The following ELAPOR1 variants were observed in gnomAD, a reference collection of about 807,000 sequenced individuals.
ELAPOR1 encodes endosome-lysosome associated apoptosis and autophagy regulator 1.
A neutral mutation model predicts 119.7 loss-of-function variants in ELAPOR1; 77 were observed. The observed-to-expected ratio is 0.64, with a 90% CI of 0.54 to 0.78. The LOEUF (loss-of-function observed/expected upper bound fraction) is 0.78, where lower values mean the gene tolerates loss of function less well. Among genes scored for constraint, ELAPOR1 ranks in the 30% least tolerant of loss-of-function variants. The pLI, the probability that ELAPOR1 is intolerant of heterozygous loss-of-function variation, is 0.00. For synonymous variants in ELAPOR1, 481 were observed against 487.2 expected, an observed-to-expected ratio of 0.99 and a Z score of 0.17; for missense variants, 1,115 against 1,270.4, an observed-to-expected ratio of 0.88 and a Z score of 1.86.
At chr1:109,166,006 C>T (rs1217382128) in intron 3 of ELAPOR1, among the ~76,000 whole-genome samples, 2 of 152,010 alleles carry the variant, frequency 1.3e-5, no homozygotes, top group African/African-American at 4.8e-5. Context: ...AGCTCTGCCT[C>T]CCGGGTTGAC....
At chr1:109,142,850 A>G (rs1022181404) in intron 1 of ELAPOR1, among the ~76,000 whole-genome samples, 1 of 152,198 alleles carries the variant, frequency 6.6e-6, no homozygotes, top group Non-Finnish European at 1.5e-5. Context: ...CTTGTACATG[A>G]TTATTCTAGC....
chr1:109,192,950 G>A, intron 14 of ELAPOR1, 76 bp downstream of exon 14: 16 of 1,516,280 alleles, frequency 1.1e-5, no homozygotes, highest in Non-Finnish European at 1.4e-5. Context: ...GTCCTGGGTA[G>A]GGTTCTTGAG....
intron 1 of ELAPOR1, among the ~76,000 whole-genome samples, chr1:109,146,627 A>G (rs1570638614): frequency 6.6e-6 from 1 of 152,256 alleles, no homozygotes; most frequent in East Asian, 1.9e-4. Context: ...TTGCAGCCAC[A>G]CTAGGTGAGA....
intron 8 of ELAPOR1, 136 bp from the exon 9 acceptor site, chr1:109,188,041 A>C: frequency 7.0e-7 from 1 of 1,430,172 alleles, no homozygotes. Context: ...TGAGCCACAC[A>C]AAGTTCCCCA....
intron 12 of ELAPOR1, 108 bp from the exon 13 acceptor site, chr1:109,191,617 GT>G: frequency 6.7e-7 from 1 of 1,490,970 alleles, no homozygotes; most frequent in East Asian, 2.3e-5. Context: ...GGACTTCACA[GT>G]TTAACAAGGG....
At chr1:109,184,430 C>T (rs993912243) in intron 7 of ELAPOR1, among the ~76,000 whole-genome samples, 2 of 152,054 alleles carry the variant, frequency 1.3e-5, no homozygotes, top group Non-Finnish European at 2.9e-5. Context: ...GTGGGAAGAA[C>T]CTTATGTGTT....
intron 15 of ELAPOR1, among the ~76,000 whole-genome samples, chr1:109,194,900 G>T (rs985907601): frequency 6.6e-6 from 1 of 152,054 alleles, no homozygotes; most frequent in African/African-American, 2.4e-5. Flanking sequence ...CTGAGGTGGG[G>T]AGTTCGAGAC....
chr1:109,118,900 C>CATTTTTT (rs1553248604), intron 1 of ELAPOR1, among the ~76,000 whole-genome samples: 1 of 128,210 alleles, frequency 7.8e-6, no homozygotes, highest in African/African-American at 3.2e-5. Context: ...TTTGGTTCTT[C>CATTTTTT]TTTTTTTTTT....
At position 109,200,168 on chromosome 1, in the gene ELAPOR1, TCTCTGCAGGCAC is replaced by T; in HGVS notation, c.2741_2752del (p.Ser914_Thr917del). 1 of 1,614,218 alleles carries T rather than the reference TCTCTGCAGGCAC, an allele frequency of 6.2e-7. No homozygotes were observed. The highest frequency in any genetic ancestry group is 1.3e-5 in the African/African-American group (1 of 75,058). On this transcript the variant is annotated inframe_deletion, in exon 20 of 22. Transcript: ENST00000369939. The stretch of plus-strand genomic sequence containing the variant: ...ATAGATTTCTGGCTGAAAGTGGGCA[TCTCTGCAGGCAC>T]CTGTACTGCCATCCTGCTCACCGTC...
intron 7 of ELAPOR1, among the ~76,000 whole-genome samples, chr1:109,177,341 C>G (rs537105221): frequency 5.8e-4 from 50 of 86,378 alleles, no homozygotes; most frequent in African/African-American, 7.5e-4. Context: ...CTTCTCAGAC[C>G]GGGCGGCTGC....
chr1:109,136,211 C>T (rs1396455973), intron 1 of ELAPOR1, among the ~76,000 whole-genome samples: 1 of 152,054 alleles, frequency 6.6e-6, no homozygotes, highest in African/African-American at 2.4e-5. Context: ...GGGGTCTTTG[C>T]GGATGTAGTC....
intron 10 of ELAPOR1, 86 bp from the exon 11 acceptor site, chr1:109,189,506 A>C: frequency 1.6e-6 from 2 of 1,247,138 alleles, no homozygotes; most frequent in South Asian, 2.4e-5. Context: ...AGATGGTGTC[A>C]AACCTCCCTT....
At chr1:109,197,008 A>G (rs1317299423) in intron 15 of ELAPOR1, among the ~76,000 whole-genome samples, 2 of 152,042 alleles carry the variant, frequency 1.3e-5, no homozygotes, top group African/African-American at 4.8e-5. Context: ...AATTTATAAC[A>G]TTGAAAATGT....
chr1:109,201,397 G>A (rs1166056697), intron 21 of ELAPOR1: 7 of 455,818 alleles, frequency 1.5e-5, no homozygotes, highest in Non-Finnish European at 2.2e-5. Context: ...TGAGCTGGGA[G>A]GGCTGGCTTT....
At chr1:109,174,613 AATAAATT>A (rs1422900307) in intron 7 of ELAPOR1, among the ~76,000 whole-genome samples, 1 of 151,900 alleles carries the variant, frequency 6.6e-6, no homozygotes, top group Admixed American at 6.6e-5. Flanking sequence ...ATACATATAT[AATAAATT>A]ATATAGTATG....
intron 1 of ELAPOR1, among the ~76,000 whole-genome samples, chr1:109,137,549 C>T (rs902200481): frequency 2.8e-5 from 4 of 144,652 alleles, no homozygotes; most frequent in African/African-American, 5.1e-5. Context: ...TTTTTTGAGG[C>T]GGAGTTTCGC....
Position 109,204,922 on chromosome 1 carries a change from G to A in ELAPOR1, c.*1910G>A, listed in dbSNP as rs1048165793. On this transcript the variant is annotated 3_prime_UTR_variant, in exon 22 of 22. Coordinates refer to ENST00000369939, the MANE Select transcript of ELAPOR1 (RefSeq NM_020775.5). ...TAAAAATAAACAAGGTGTTCACCAA[G>A]CTGGGATACTTCTCACTATTAAGCC... 33 of 152,190 alleles carry A rather than the reference G, an allele frequency of 2.2e-4. No homozygotes were observed. The highest frequency in any genetic ancestry group is 8.0e-4 in the African/African-American group (33 of 41,430). 9.4% of individuals were successfully genotyped at this position (152,190 alleles called of 1,614,324 possible).
At position 109,194,613 on chromosome 1, in the gene ELAPOR1, C is replaced by T. The variant is rs1379151110; in HGVS notation, c.2121+19C>T. The T allele has an allele frequency of 6.2e-7, 1 of 1,610,548 alleles. No individual in the cohort carries two copies. Among genetic ancestry groups the T allele is most frequent in the Admixed American group, 1.7e-5 (1 of 59,970 alleles). ...AAACCAGGTAAGGTATACCAGTTGA[C>T]AGGGTGAAAATTGAATGGGGGAGGC... On this transcript the variant is annotated intron_variant, in intron 15 of 21. Transcript: ENST00000369939.
intron 21 of ELAPOR1, among the ~76,000 whole-genome samples, chr1:109,201,724 CT>C (rs1018259471): frequency 4.2e-4 from 63 of 151,718 alleles, no homozygotes; most frequent in Non-Finnish European, 8.6e-4. Flanking sequence ...ACTGCGATTT[CT>C]TTTTTTTTAA....
Sources: allele counts gnomAD v4.1 joint callset (sites outside exome capture counted in the v4.1 genomes callset), GRCh38; gene constraint gnomAD v4.1.1; transcripts MANE v1.5; gene names NCBI Gene and HGNC (gene_info 2026-07-23, HGNC 2026-07-21).